Variants in PTPRM observed in about 807,000 individuals in gnomAD.
The protein encoded by PTPRM is protein tyrosine phosphatase receptor type M, also known as receptor-type tyrosine-protein phosphatase mu.
In PTPRM, 47 loss-of-function variants were observed where a neutral mutation model predicts 186.7. That is an observed-to-expected ratio of 0.25 (90% confidence interval 0.20 to 0.32). The LOEUF (loss-of-function observed/expected upper bound fraction) is 0.32, where lower values mean the gene tolerates loss of function less well. Among genes scored for constraint, PTPRM ranks in the 10% least tolerant of loss-of-function variants. The pLI, the probability that PTPRM is intolerant of heterozygous loss-of-function variation, is 1.00. For missense variants in PTPRM, 1,494 were observed against 1,865.0 expected (o/e 0.80, Z 3.66); for synonymous variants, 668 against 674.9 (o/e 0.99, Z 0.16).
intron 21 of PTPRM, among the ~76,000 whole-genome samples, chr18:8,316,276 C>A (rs1415211808): frequency 6.6e-6 from 1 of 152,190 alleles, no homozygotes; most frequent in Non-Finnish European, 1.5e-5. Flanking sequence ...TTCCCCTGCA[C>A]CTGGCACATG....
At chr18:7,912,111 C>T (rs1474985346) in intron 4 of PTPRM, among the ~76,000 whole-genome samples, 2 of 152,138 alleles carry the variant, frequency 1.3e-5, no homozygotes. Context: ...CTCAGCCTCC[C>T]AAAGTGCTGG....
chr18:8,276,311 G>C (rs1293072703), intron 19 of PTPRM, among the ~76,000 whole-genome samples: 1 of 152,088 alleles, frequency 6.6e-6, no homozygotes, highest in Non-Finnish European at 1.5e-5. Flanking sequence ...TCTCTAAGTA[G>C]GAGGCCTTCA....
chr18:7,618,640 C>A (rs552168190), intron 1 of PTPRM, among the ~76,000 whole-genome samples: 1 of 152,168 alleles, frequency 6.6e-6, no homozygotes, highest in Non-Finnish European at 1.5e-5. Context: ...TCTGCAGCAC[C>A]TTTCCTCGTT....
chr18:7,960,480 T>TATATATATATATATATAC (rs1300573371), intron 7 of PTPRM, among the ~76,000 whole-genome samples: 6 of 86,596 alleles, frequency 6.9e-5, no homozygotes, highest in African/African-American at 2.6e-4. Context: ...TATATATATA[T>TATATATATATATATATAC]ACACACACAC....
intron 2 of PTPRM, among the ~76,000 whole-genome samples, chr18:7,879,366 C>T (rs542541596): frequency 1.3e-5 from 2 of 152,238 alleles, no homozygotes; most frequent in Admixed American, 1.3e-4. Context: ...TTTGCTAATT[C>T]TGTGAATCTC....
At chr18:8,073,644 T>C (rs2089626083) in intron 8 of PTPRM, among the ~76,000 whole-genome samples, 1 of 152,244 alleles carries the variant, frequency 6.6e-6, no homozygotes, top group Non-Finnish European at 1.5e-5. Flanking sequence ...AACTCATGCC[T>C]ATAATCCCAG....
At chr18:7,894,191 A>T (rs1346373016) in intron 3 of PTPRM, among the ~76,000 whole-genome samples, 1 of 152,188 alleles carries the variant, frequency 6.6e-6, no homozygotes, top group Non-Finnish European at 1.5e-5. Flanking sequence ...TCTGCTTTTG[A>T]TATGATTTCC....
At chr18:8,265,020 C>T (rs2094684437) in intron 19 of PTPRM, among the ~76,000 whole-genome samples, 1 of 152,170 alleles carries the variant, frequency 6.6e-6, no homozygotes, top group South Asian at 2.1e-4. Flanking sequence ...AGACACAGAC[C>T]TATGGAAATA....
At chr18:7,982,977 A>G (rs548534420) in intron 7 of PTPRM, among the ~76,000 whole-genome samples, 22 of 152,214 alleles carry the variant, frequency 1.4e-4, no homozygotes, top group South Asian at 6.2e-4. Context: ...ATTTGGCACT[A>G]TCTGCATTCG....
chr18:8,385,919 A>G (rs552519882), intron 30 of PTPRM, among the ~76,000 whole-genome samples: 2 of 152,064 alleles, frequency 1.3e-5, no homozygotes, highest in Non-Finnish European at 2.9e-5. Flanking sequence ...AGAGAGCAGG[A>G]GTGGAGGTCA....
In PTPRM at chr18:8,088,761, C is replaced by T; in HGVS notation, c.1766C>T (p.Pro589Leu). Residue 589 changes from proline to leucine, a missense_variant, in exon 11 of 33, where the codon CCA becomes CTA. Transcript: ENST00000580170. ...CCTTTTTCCCCAGCACCCTCTATGC[C>T]AGCTTATGAACTTGAGACACCTTTG... ...FTTKISAPSM[P>L]AYELETPLNQ... 6.2e-7 allele frequency: 1 copy of T among 1,612,010 alleles called. No homozygotes were observed. The highest frequency in any genetic ancestry group is 8.5e-7 in the Non-Finnish European group (1 of 1,178,304).
intron 1 of PTPRM, among the ~76,000 whole-genome samples, chr18:7,659,525 G>A (rs1372152458): frequency 6.6e-6 from 1 of 152,276 alleles, no homozygotes; most frequent in African/African-American, 2.4e-5. Flanking sequence ...GAAGCTCCAA[G>A]TGAGGACAGG....
intron 19 of PTPRM, among the ~76,000 whole-genome samples, chr18:8,278,974 T>A (rs1855152879): frequency 1.3e-5 from 2 of 152,150 alleles, no homozygotes; most frequent in African/African-American, 4.8e-5. Flanking sequence ...AAATACCTAA[T>A]GTAAATGACG....
At chr18:7,688,507 C>T (rs7236946) in intron 1 of PTPRM, among the ~76,000 whole-genome samples, 29,486 of 152,162 alleles carry the variant, frequency 0.19, 4,117 homozygotes, top group East Asian at 0.4. Context: ...TTCTACCTTT[C>T]TTCCTGCGAA....
chr18:8,270,318 A>G (rs2094755188), intron 19 of PTPRM: 1 of 152,082 alleles, frequency 6.6e-6, no homozygotes, highest in South Asian at 2.1e-4. Context: ...AATAGGTATA[A>G]TAAAAGGTGA....
At chr18:8,286,148 TGC>T (rs2094954845) in intron 19 of PTPRM, among the ~76,000 whole-genome samples, 1 of 152,222 alleles carries the variant, frequency 6.6e-6, no homozygotes, top group Non-Finnish European at 1.5e-5. Context: ...CCTCGTGAGT[TGC>T]TGCTGAGTCC....
intron 4 of PTPRM, among the ~76,000 whole-genome samples, chr18:7,920,927 A>G (rs2050824510): frequency 6.6e-6 from 1 of 152,076 alleles, no homozygotes; most frequent in South Asian, 2.1e-4. Flanking sequence ...ATGTCTTCTT[A>G]TACACTCCTG....
chr18:7,920,544 G>A lies in PTPRM; in HGVS notation c.548-6024G>A, dbSNP rs72893390. 1.0e-3 allele frequency among the ~76,000 whole-genome samples: 157 copies of A among 152,058 alleles called. 1 individual carries two copies. The highest frequency in any genetic ancestry group is 1.3e-3 in the Non-Finnish European group (90 of 67,966). ...TGTTTCAGTTTGCGTGTTTTTATACGGCCTATCTCTTAACAGGTTACCATA... is the reference window on the plus strand; with the variant it reads ...TGTTTCAGTTTGCGTGTTTTTATACAGCCTATCTCTTAACAGGTTACCATA... On this transcript the variant is annotated intron_variant, in intron 4 of 32. Transcript: ENST00000580170.
intron 7 of PTPRM, among the ~76,000 whole-genome samples, chr18:8,000,036 T>C (rs575623202): frequency 6.6e-6 from 1 of 152,104 alleles, no homozygotes; most frequent in South Asian, 2.1e-4. Context: ...TCAGAAGCGG[T>C]CAGGCAAGGG....
Sources: gnomAD v4.1 joint callset for allele counts (sites outside exome capture counted in the v4.1 genomes callset) on GRCh38, gnomAD v4.1.1 for gene constraint, MANE v1.5 for transcripts, NCBI Gene and HGNC (gene_info 2026-07-23, HGNC 2026-07-21) for gene names.